The following RSRC2 variants were observed in gnomAD, a reference collection of about 807,000 sequenced individuals.
The protein encoded by RSRC2 is arginine and serine rich coiled-coil 2, also known as arginine/serine-rich coiled-coil protein 2.
RSRC2 carries 5 observed loss-of-function variants against 61.3 expected under a neutral mutation model. The observed-to-expected ratio is 0.08, with a 90% CI of 0.04 to 0.17. The LOEUF (loss-of-function observed/expected upper bound fraction) is 0.17. Ranked by LOEUF, RSRC2 falls within the 10% of genes least tolerant of loss-of-function variation. The pLI, the probability that RSRC2 is intolerant of heterozygous loss-of-function variation, is 1.00. For missense variants in RSRC2, 381 were observed against 518.8 expected (o/e 0.73, Z 2.58); for synonymous variants, 202 against 166.5 (o/e 1.21, Z -1.64).
At chr12:122,517,645 T>G (rs1959039132) in intron 4 of RSRC2, among the ~76,000 whole-genome samples, 1 of 152,144 alleles carries the variant, frequency 6.6e-6, no homozygotes, top group Admixed American at 6.6e-5. Flanking sequence ...AGTAAACCTA[T>G]TAACATGTCA....
rs141829241 is a variant in RSRC2, at chr12:122,505,376, C to T, written c.*151G>A. ...GATTACAACACTAACACCAGTATCA[C>T]TGATCTGATATTTACAAAAATTTGT... is the stretch of plus-strand genomic sequence containing the variant. On this transcript the variant is annotated 3_prime_UTR_variant, in exon 10 of 10. Transcript: ENST00000331738. 61 of 640,206 alleles carry T rather than the reference C, an allele frequency of 9.5e-5. No homozygotes were observed. Among genetic ancestry groups the T allele is most frequent in the Non-Finnish European group, 1.4e-4 (52 of 383,914 alleles). The allele number at this position is 640,206 out of a possible 1,614,324, so 39.7% of individuals were successfully genotyped here. A position where few individuals can be genotyped will look rare whatever the true frequency, so the allele number is the denominator to read the frequency against.
At chr12:122,520,499 G>A in intron 3 of RSRC2, 1 of 1,352,736 alleles carries the variant, frequency 7.4e-7, no homozygotes, top group South Asian at 1.1e-5. Context: ...ATGACTAATA[G>A]TTACCTTATC....
chr12:122,521,343 T>G, intron 3 of RSRC2, 42 bp downstream of exon 3: 5 of 1,446,456 alleles, frequency 3.5e-6, no homozygotes, highest in Non-Finnish European at 4.9e-6. Context: ...AGACACTTTA[T>G]AAGTATTTTA....
chr12:122,522,237 T>C lies in RSRC2; in HGVS notation c.69A>G (p.Lys23=), dbSNP rs1402040608. The C allele has an allele frequency of 6.2e-7, 1 of 1,614,120 alleles. No homozygotes were observed. The highest frequency in any genetic ancestry group is 1.1e-5 in the South Asian group (1 of 91,062). The change falls in exon 2 of 10, where the codon AAA becomes AAG. Residue 23 remains lysine, a synonymous_variant. Coordinates refer to ENST00000331738, the MANE Select transcript of RSRC2 (RefSeq NM_023012.6). Reference sequence around the variant, plus strand: ...AAACAGATACTTCTGACTGCTCTTTTTTCTTATCTCTATCTGGTGATGTCT... The same window carrying C: ...AAACAGATACTTCTGACTGCTCTTTCTTCTTATCTCTATCTGGTGATGTCT... ...PEKTSPDRDK[K]KEQSEVSVSP...
intron 5 of RSRC2, among the ~76,000 whole-genome samples, chr12:122,516,030 C>CT (rs1202406891): frequency 6.6e-6 from 1 of 151,334 alleles, no homozygotes; most frequent in African/African-American, 2.4e-5. Context: ...CAAAAAAGCA[C>CT]TTAAAAAAAA....
chr12:122,515,098 T>C lies in RSRC2; in HGVS notation c.725+7A>G, dbSNP rs200519830. 27 of 1,612,364 alleles carry C rather than the reference T, an allele frequency of 1.7e-5. No individual in the cohort carries two copies. In the African/African-American group the frequency reaches 1.7e-4, roughly 10 times the overall value. On this transcript the variant is annotated splice_region_variant and intron_variant, in intron 6 of 9. Coordinates refer to ENST00000331738, the MANE Select transcript of RSRC2 (RefSeq NM_023012.6). The stretch of plus-strand genomic sequence containing the variant: ...ACTGGAACAAATGAATTAAGAAATA[T>C]ACACACCTTCTAGCTAAAGCTTCCT...
chr12:122,511,553 A>T (rs1240270884), intron 6 of RSRC2, among the ~76,000 whole-genome samples: 1 of 152,214 alleles, frequency 6.6e-6, no homozygotes, highest in Non-Finnish European at 1.5e-5. Flanking sequence ...AATTATCTAA[A>T]TGTTTCTTGA....
rs1294948811 is a variant in RSRC2 at position 122,504,962 on chromosome 12, C to T, written c.*565G>A. 6.6e-6 allele frequency: 1 copy of T among 152,540 alleles called. No individual in the cohort carries two copies. Among genetic ancestry groups the T allele is most frequent in the South Asian group, 2.1e-4 (1 of 4,832 alleles). The allele number at this position is 152,540 out of a possible 1,614,324, so 9.4% of individuals were successfully genotyped here. On this transcript the variant is annotated 3_prime_UTR_variant, in exon 10 of 10. Coordinates refer to ENST00000331738, the MANE Select transcript of RSRC2 (RefSeq NM_023012.6). ...AAAAAGGGTGGTGGGGAGGGGATTTCTAGCTAGTGTTTTCTAACAGCAATT... is the reference window on the plus strand; with the variant it reads ...AAAAAGGGTGGTGGGGAGGGGATTTTTAGCTAGTGTTTTCTAACAGCAATT...
At chr12:122,519,357 T>C (rs371823533) in intron 3 of RSRC2, 4 of 208,572 alleles carry the variant, frequency 1.9e-5, no homozygotes, top group African/African-American at 4.6e-5. Flanking sequence ...ACCATGTATA[T>C]ACATCAACTT....
chr12:122,518,528 G>A (rs1006569458), intron 4 of RSRC2, among the ~76,000 whole-genome samples: 2 of 151,808 alleles, frequency 1.3e-5, no homozygotes, highest in African/African-American at 4.8e-5. Flanking sequence ...AGGAGGCAGA[G>A]GTTGCAGTGA....
chr12:122,512,383 G>A (rs1018446592), intron 6 of RSRC2, among the ~76,000 whole-genome samples: 1 of 152,044 alleles, frequency 6.6e-6, no homozygotes, highest in African/African-American at 2.4e-5. Context: ...TTTTGTTTTG[G>A]GGCACTATGG....
intron 4 of RSRC2, among the ~76,000 whole-genome samples, chr12:122,517,987 CCAGA>C (rs1032766720): frequency 6.6e-6 from 1 of 152,120 alleles, no homozygotes; most frequent in African/African-American, 2.4e-5. Flanking sequence ...TTTTTCAGTG[CCAGA>C]CAGATTAAGT....
chr12:122,517,579 G>A (rs1959035108), intron 4 of RSRC2, 149 bp from the exon 5 acceptor site: 2 of 962,498 alleles, frequency 2.1e-6, no homozygotes, highest in African/African-American at 1.7e-5. Context: ...ATTTTCAAAG[G>A]AAATACTAAC....
At position 122,505,398 on chromosome 12, in the gene RSRC2, T is replaced by C. The variant is rs530691474; in HGVS notation, c.*129A>G. The C allele has an allele frequency of 1.2e-6, 1 of 810,712 alleles. No individual in the cohort carries two copies. Among genetic ancestry groups the C allele is most frequent in the South Asian group, 2.1e-5 (1 of 48,720 alleles). 50.2% of individuals were successfully genotyped at this position (810,712 alleles called of 1,614,324 possible). Reference sequence around the variant, plus strand: ...TCACTGATCTGATATTTACAAAAATTTGTATTTTTCAATAAATTAAAGTCA... The same window carrying C: ...TCACTGATCTGATATTTACAAAAATCTGTATTTTTCAATAAATTAAAGTCA... On this transcript the variant is annotated 3_prime_UTR_variant, in exon 10 of 10. Transcript: ENST00000331738.
chr12:122,508,470 T>C (rs747417178), intron 7 of RSRC2, 23 bp from the exon 8 acceptor site: 9 of 1,568,310 alleles, frequency 5.7e-6, no homozygotes, highest in South Asian at 5.7e-5. Flanking sequence ...AATACAAAAA[T>C]GGATTTTAAA....
intron 6 of RSRC2, among the ~76,000 whole-genome samples, chr12:122,513,178 G>A (rs1380385335): frequency 6.7e-6 from 1 of 149,110 alleles, no homozygotes; most frequent in Admixed American, 6.7e-5. Flanking sequence ...CTGGGCAACA[G>A]AGCAAGACTC....
rs17886684 is a variant in RSRC2, at chr12:122,518,974, T to C, written c.263A>G (p.His88Arg). Residue 88 changes from histidine (H) to arginine (R), a missense_variant, in exon 4 of 10, where the codon CAT (histidine) becomes CGT (arginine). Transcript: ENST00000331738. ...ATCAGAAGAATGTTCTTTGTCATTA[T>C]GTTCCTCAGACTTATGTTTCTTAGA... ...KSSKKHKSEE[H>R]NDKEHSSDKG... is the part of the protein sequence containing the mutation. 3.1e-6 allele frequency: 5 copies of C among 1,613,780 alleles called. No individual in the cohort carries two copies. The highest frequency in any genetic ancestry group is 3.4e-6 in the Non-Finnish European group (4 of 1,179,734).
At chr12:122,509,985 C>G (rs1958377768) in intron 7 of RSRC2, among the ~76,000 whole-genome samples, 1 of 152,096 alleles carries the variant, frequency 6.6e-6, no homozygotes, top group Non-Finnish European at 1.5e-5. Context: ...CCACGCCTGG[C>G]TAATTTTTGT....
chr12:122,507,132 C>T (rs1958162607), intron 8 of RSRC2: 10 of 564,434 alleles, frequency 1.8e-5, no homozygotes, highest in South Asian at 1.8e-4. Context: ...AATCCCAGCA[C>T]TTTGGAAGGC....
Sources: gnomAD v4.1 joint callset for allele counts (sites outside exome capture counted in the v4.1 genomes callset) on GRCh38, gnomAD v4.1.1 for gene constraint, MANE v1.5 for transcripts, NCBI Gene and HGNC (gene_info 2026-07-23, HGNC 2026-07-21) for gene names.